The following PEAK1 variants were observed in gnomAD, a reference collection of about 807,000 sequenced individuals.
The protein encoded by PEAK1 is pseudopodium enriched atypical kinase 1, also known as inactive tyrosine-protein kinase PEAK1.
A neutral mutation model predicts 124.7 loss-of-function variants in PEAK1; 54 were observed. That is an observed-to-expected ratio of 0.43 (90% CI 0.35 to 0.54). The LOEUF is 0.54. Among genes scored for constraint, PEAK1 ranks in the 20% least tolerant of loss-of-function variants. The pLI is 0.01. For missense variants in PEAK1, 2,046 were observed against 2,134.5 expected (o/e 0.96, Z 0.82); for synonymous variants, 719 against 760.0 (o/e 0.95, Z 0.89).
chr15:77,304,479 C>T (rs867792795), intron 2 of PEAK1, among the ~76,000 whole-genome samples: 2 of 126,778 alleles, frequency 1.6e-5, no homozygotes, highest in African/African-American at 2.9e-5. Context: ...GACGGAGTCT[C>T]GCTCTGTCTC....
chr15:77,276,713 T>A (rs2062348901), intron 5 of PEAK1, among the ~76,000 whole-genome samples: 1 of 152,060 alleles, frequency 6.6e-6, no homozygotes. Flanking sequence ...CCACTTGAGT[T>A]CTCCAAATTA....
intron 6 of PEAK1, among the ~76,000 whole-genome samples, chr15:77,217,667 G>A (rs2059208947): frequency 6.6e-6 from 1 of 152,104 alleles, no homozygotes; most frequent in Admixed American, 6.6e-5. Flanking sequence ...AGTTAATAAT[G>A]TAAAATATAC....
chr15:77,195,142 A>G (rs2058041521), intron 6 of PEAK1, among the ~76,000 whole-genome samples: 1 of 152,090 alleles, frequency 6.6e-6, no homozygotes, highest in African/African-American at 2.4e-5. Flanking sequence ...AGCACCCTAA[A>G]TCTTAGTATG....
chr15:77,104,797 T>C (rs1349584047), downstream of PEAK1: 1 of 152,280 alleles, frequency 6.6e-6, no homozygotes. Context: ...AAACAAACCC[T>C]CTCTGACTTG....
intron 1 of PEAK1, among the ~76,000 whole-genome samples, chr15:77,391,163 C>T (rs764888397): frequency 5.3e-5 from 8 of 152,068 alleles, no homozygotes; most frequent in Non-Finnish European, 1.2e-4. Flanking sequence ...TGAGGCAGCC[C>T]AGACCCATGG....
At chr15:77,115,680 GAAC>G (rs1343382699) in intron 9 of PEAK1, among the ~76,000 whole-genome samples, 5 of 152,184 alleles carry the variant, frequency 3.3e-5, no homozygotes, top group African/African-American at 9.6e-5. Context: ...CACCTCATCA[GAAC>G]AACAACAATG....
At chr15:77,415,149 A>AC (rs1326532104) in intron 1 of PEAK1, among the ~76,000 whole-genome samples, 2 of 152,236 alleles carry the variant, frequency 1.3e-5, no homozygotes, top group African/African-American at 2.4e-5. Flanking sequence ...ATCAACCACG[A>AC]AAATTGGTAC....
At chr15:77,409,440 G>A (rs1359319133) in intron 1 of PEAK1, among the ~76,000 whole-genome samples, 1 of 152,144 alleles carries the variant, frequency 6.6e-6, no homozygotes, top group Non-Finnish European at 1.5e-5. Context: ...TGGTAAAGAT[G>A]AGATTCAGCT....
Position 77,114,350 on chromosome 15 carries a change from T to G in PEAK1, c.5047A>C (p.Ser1683Arg), listed in dbSNP as rs1234979243. The G allele has an allele frequency of 3.7e-6, 6 of 1,614,050 alleles. No homozygotes were observed. Among genetic ancestry groups the G allele is most frequent in the African/African-American group, 1.3e-5 (1 of 74,930 alleles). Reference protein sequence around the residue: ...DLFQTFTACPSLVQRNTLLQN... With the variant: ...DLFQTFTACPRLVQRNTLLQN... ...AGCAGGGTGTTCCTCTGTACTAGGCTAGGGCAGGCGGTGAAAGTCTGGAAG... is the reference window on the plus strand; with the variant it reads ...AGCAGGGTGTTCCTCTGTACTAGGCGAGGGCAGGCGGTGAAAGTCTGGAAG... The change falls in exon 10 of 10, where the codon AGC (serine) becomes CGC (arginine). Residue 1683 changes from serine to arginine, a missense_variant. Physicochemically the swap from Ser to Arg is moderately radical, Grantham distance 110. Coordinates refer to ENST00000682557, the MANE Select transcript of PEAK1 (RefSeq NM_001385026.1).
chr15:77,417,419 G>T, intron 1 of PEAK1: 1 of 937,094 alleles, frequency 1.1e-6, no homozygotes. Context: ...CTTTAGTAAT[G>T]AAAGGACTAG....
rs1329985469 is a variant in PEAK1 at position 77,347,671 on chromosome 15, C to G, written c.-603+17492G>C. 4.1e-6 allele frequency: 4 copies of G among 974,122 alleles called. No homozygotes were observed. In the African/African-American group the frequency reaches 7.0e-5, roughly 17 times the overall value. The allele number at this position is 974,122 out of a possible 1,614,324, so 60.3% of individuals were successfully genotyped here. A position where few individuals can be genotyped will look rare whatever the true frequency, so the allele number is the denominator to read the frequency against. Reference sequence around the variant, plus strand: ...ACAAATATAACAACATAAAACAACACCCTCCTAAAACAGAAATTTTTAGAA... The same window carrying G: ...ACAAATATAACAACATAAAACAACAGCCTCCTAAAACAGAAATTTTTAGAA... On this transcript the variant is annotated intron_variant, in intron 2 of 9. Transcript: ENST00000682557.
At chr15:77,400,872 T>G (rs1245761872) in intron 1 of PEAK1, among the ~76,000 whole-genome samples, 1 of 152,262 alleles carries the variant, frequency 6.6e-6, no homozygotes, top group Middle Eastern at 3.4e-3. Flanking sequence ...TTGTTTGAAT[T>G]TTTCTGAGAT....
intron 5 of PEAK1, among the ~76,000 whole-genome samples, chr15:77,275,581 T>C (rs895964768): frequency 1.3e-5 from 2 of 151,994 alleles, no homozygotes; most frequent in Non-Finnish European, 2.9e-5. Flanking sequence ...ATGGGTGTGA[T>C]GGTGCGTGCC....
At chr15:77,116,731 TCTATCTA>T (rs2051420150) in intron 9 of PEAK1, among the ~76,000 whole-genome samples, 1 of 151,950 alleles carries the variant, frequency 6.6e-6, no homozygotes, top group Non-Finnish European at 1.5e-5. Flanking sequence ...TATCTATCTA[TCTATCTA>T]TCTATCTATC....
intron 1 of PEAK1, among the ~76,000 whole-genome samples, chr15:77,416,055 G>A (rs1341910079): frequency 6.6e-6 from 1 of 152,188 alleles, no homozygotes; most frequent in African/African-American, 2.4e-5. Context: ...ATGTAGCTAA[G>A]TGCTCTAGCT....
chr15:77,194,188 T>C (rs1362512238), intron 6 of PEAK1, among the ~76,000 whole-genome samples: 2 of 152,176 alleles, frequency 1.3e-5, no homozygotes, highest in Non-Finnish European at 2.9e-5. Flanking sequence ...CAATCAATTG[T>C]CAGGTTTTAT....
intron 6 of PEAK1, among the ~76,000 whole-genome samples, chr15:77,197,017 A>AT (rs35205531): frequency 0.3 from 42,981 of 141,620 alleles, 6,723 homozygotes; most frequent in Middle Eastern, 0.38. Flanking sequence ...TGCCTGGCTA[A>AT]TTTTTTTTTT....
chr15:77,180,355 T>C lies in PEAK1; in HGVS notation c.1572A>G (p.Gln524=), dbSNP rs1451544545. Residue 524 remains glutamine, a synonymous_variant, in exon 7 of 10, where the codon CAA becomes CAG. Coordinates refer to ENST00000682557, the MANE Select transcript of PEAK1 (RefSeq NM_001385026.1). ...CTTGGTATCGAATTGCACTGGATTTTTGGAAATGGGCACTTATTTGTCCTG... is the reference window on the plus strand; with the variant it reads ...CTTGGTATCGAATTGCACTGGATTTCTGGAAATGGGCACTTATTTGTCCTG... ...LTPGQISAHF[Q]KSSAIRYQEV... 1.2e-6 allele frequency: 2 copies of C among 1,614,014 alleles called. No individual in the cohort carries two copies. The highest frequency in any genetic ancestry group is 2.2e-5 in the East Asian group (1 of 44,896).
chr15:77,272,324 C>T (rs149852623), intron 5 of PEAK1, among the ~76,000 whole-genome samples: 47 of 152,182 alleles, frequency 3.1e-4, no homozygotes, highest in Non-Finnish European at 6.5e-4. Context: ...CAACAAAAAG[C>T]TGGTTCTTTG....
Sources: allele counts gnomAD v4.1 joint callset (sites outside exome capture counted in the v4.1 genomes callset), GRCh38; gene constraint gnomAD v4.1.1; transcripts MANE v1.5; gene names NCBI Gene and HGNC (gene_info 2026-07-23, HGNC 2026-07-21).